Variants in CD44 observed in about 807,000 individuals in gnomAD.
CD44 encodes CD44 antigen.
In CD44, 49 loss-of-function variants were observed where a neutral mutation model predicts 88.8. That is an observed-to-expected ratio of 0.55 (90% CI 0.44 to 0.70). CD44 has a LOEUF of 0.70. Among genes scored for constraint, CD44 ranks in the 30% least tolerant of loss-of-function variants. The pLI, the probability that CD44 is intolerant of heterozygous loss-of-function variation, is 0.00. For missense variants in CD44, 883 were observed against 913.8 expected (o/e 0.97, Z 0.43); for synonymous variants, 325 against 312.3 (o/e 1.04, Z -0.43).
chr11:35,189,655 GGT>G (rs1371396172), intron 4 of CD44, among the ~76,000 whole-genome samples, 178 bp from the exon 5 acceptor site: 4 of 152,070 alleles, frequency 2.6e-5, no homozygotes, highest in African/African-American at 9.7e-5. Flanking sequence ...TCATCCCCAG[GGT>G]GTGTGGGGGA....
At chr11:35,187,508 GT>G (rs1365465566) in intron 4 of CD44, among the ~76,000 whole-genome samples, 2 of 152,036 alleles carry the variant, frequency 1.3e-5, no homozygotes, top group Admixed American at 1.3e-4. Context: ...ATGATCCACT[GT>G]TTTCTAATTA....
intron 1 of CD44, among the ~76,000 whole-genome samples, chr11:35,167,252 TTGTG>T (rs5791035): frequency 7.9e-5 from 12 of 151,156 alleles, no homozygotes; most frequent in Admixed American, 2.0e-4. Flanking sequence ...CCACTGAGTT[TTGTG>T]TGTGTGTGTG....
intron 1 of CD44, among the ~76,000 whole-genome samples, chr11:35,167,012 T>C (rs1445216378): frequency 6.6e-6 from 1 of 152,234 alleles, no homozygotes; most frequent in Non-Finnish European, 1.5e-5. Context: ...GCCAGCCTTC[T>C]AGACTGGCAG....
At chr11:35,228,602 A>G (rs1949877802) in intron 17 of CD44, among the ~76,000 whole-genome samples, 1 of 152,240 alleles carries the variant, frequency 6.6e-6, no homozygotes, top group African/African-American at 2.4e-5. Flanking sequence ...AGTCAGACAG[A>G]CCAGGGTTTG....
chr11:35,182,700 G>A (rs1945273049), intron 3 of CD44, among the ~76,000 whole-genome samples: 2 of 152,220 alleles, frequency 1.3e-5, no homozygotes, highest in Non-Finnish European at 2.9e-5. Flanking sequence ...ATTGGGAAAA[G>A]CTTGTGCTTT....
At chr11:35,139,559 A>C (rs764193817) in intron 1 of CD44, 189 bp downstream of exon 1, 11 of 769,640 alleles carry the variant, frequency 1.4e-5, no homozygotes, top group Non-Finnish European at 2.1e-5. Context: ...CTGTGGAAGC[A>C]CCATTTGGTT....
intron 17 of CD44, chr11:35,222,598 A>AATATATAT (rs55982807): frequency 9.2e-6 from 5 of 545,918 alleles, no homozygotes; most frequent in South Asian, 8.3e-5. Flanking sequence ...TTTTATATAT[A>AATATATAT]ATATATATAT....
intron 1 of CD44, among the ~76,000 whole-genome samples, chr11:35,160,649 C>T (rs867215428): frequency 6.6e-6 from 1 of 152,182 alleles, no homozygotes; most frequent in African/African-American, 2.4e-5. Flanking sequence ...GTAAACGAGG[C>T]CTCTGAAGGT....
chr11:35,147,691 C>T (rs957745005), intron 1 of CD44, among the ~76,000 whole-genome samples: 25 of 152,012 alleles, frequency 1.6e-4, no homozygotes, highest in African/African-American at 6.0e-4. Context: ...GATCCACACA[C>T]CAATCGTGGA....
At chr11:35,177,171 C>G (rs1415865120) in intron 2 of CD44, 1 of 149,728 alleles carries the variant, frequency 6.7e-6, no homozygotes, top group Middle Eastern at 3.2e-3. Flanking sequence ...CTCTTACTCT[C>G]TCTTAAAAAA....
chr11:35,195,742 A>G (rs1028429611), intron 5 of CD44, among the ~76,000 whole-genome samples: 4 of 151,686 alleles, frequency 2.6e-5, no homozygotes, highest in Non-Finnish European at 5.9e-5. Flanking sequence ...TTAAATCAAG[A>G]CTCTTGCTTC....
At chr11:35,170,139 C>G (rs1943715501) in intron 1 of CD44, among the ~76,000 whole-genome samples, 1 of 152,096 alleles carries the variant, frequency 6.6e-6, no homozygotes, top group Admixed American at 6.6e-5. Flanking sequence ...TCCCATAAAC[C>G]CTGACAGGTT....
intron 12 of CD44, 91 bp downstream of exon 12, chr11:35,208,297 G>A: frequency 2.3e-6 from 2 of 880,018 alleles, no homozygotes; most frequent in South Asian, 1.3e-5. Context: ...CTTTGGTGGT[G>A]GAATGGTGCT....
intron 1 of CD44, among the ~76,000 whole-genome samples, chr11:35,152,557 G>A (rs567997451): frequency 3.9e-5 from 6 of 152,282 alleles, no homozygotes; most frequent in African/African-American, 1.2e-4. Flanking sequence ...TTTGCCTGCT[G>A]GTGTGAAAGT....
intron 11 of CD44, among the ~76,000 whole-genome samples, chr11:35,206,583 A>G (rs1254617767): frequency 1.3e-5 from 2 of 151,804 alleles, no homozygotes; most frequent in African/African-American, 4.8e-5. Flanking sequence ...CCACCACAGC[A>G]TCACAGAAAG....
chr11:35,159,512 G>A (rs904020494), intron 1 of CD44, among the ~76,000 whole-genome samples: 2 of 152,294 alleles, frequency 1.3e-5, no homozygotes, highest in Non-Finnish European at 2.9e-5. Context: ...CCCCTTTGCA[G>A]CGGGGAAGAC....
chr11:35,174,742 G>A (rs540102282), intron 1 of CD44, among the ~76,000 whole-genome samples: 2 of 152,308 alleles, frequency 1.3e-5, no homozygotes, highest in East Asian at 1.9e-4. Context: ...CAAACGACAG[G>A]CTTTTGGTCT....
chr11:35,186,442 A>G (rs1945687020), intron 3 of CD44, among the ~76,000 whole-genome samples: 1 of 152,208 alleles, frequency 6.6e-6, no homozygotes, highest in South Asian at 2.1e-4. Flanking sequence ...TTTTTTTACA[A>G]TGTTCCTGCA....
Position 35,190,267 on chromosome 11 carries a change from C to T in CD44, c.667+202C>T, listed in dbSNP as rs934478901. On this transcript the variant is annotated intron_variant, in intron 5 of 17. Coordinates refer to ENST00000428726, the MANE Select transcript of CD44 (RefSeq NM_000610.4). ...ACTACTGCCTACCTTTTTTCCTCAT[C>T]TATAACTGTTTTTCTTACCTTAGCA... is the stretch of plus-strand genomic sequence containing the variant. The T allele has an allele frequency of 3.9e-5, 23 of 593,868 alleles. No homozygotes were observed. In the South Asian group the frequency reaches 4.4e-4, roughly 11 times the overall value. 36.8% of individuals were successfully genotyped at this position (593,868 alleles called of 1,614,324 possible).
Sources: allele counts gnomAD v4.1 joint callset (sites outside exome capture counted in the v4.1 genomes callset), GRCh38; gene constraint gnomAD v4.1.1; transcripts MANE v1.5; gene names NCBI Gene and HGNC (gene_info 2026-07-23, HGNC 2026-07-21).